The following RNF180 variants were observed in gnomAD, a reference collection of about 807,000 sequenced individuals.
RNF180 encodes the protein ring finger protein 180.
RNF180 carries 38 observed loss-of-function variants against 59.2 expected under a neutral mutation model. That is an observed-to-expected ratio of 0.64 (90% CI 0.50 to 0.84). RNF180 has a LOEUF of 0.84. Among genes scored for constraint, RNF180 ranks in the 40% least tolerant of loss-of-function variants. RNF180 has a pLI of 0.00. For missense variants in RNF180, 705 were observed against 700.9 expected (o/e 1.01, Z -0.07); for synonymous variants, 262 against 240.3 (o/e 1.09, Z -0.84).
intron 5 of RNF180, among the ~76,000 whole-genome samples, chr5:64,241,886 C>A (rs1317218193): frequency 6.6e-6 from 1 of 152,148 alleles, no homozygotes; most frequent in Non-Finnish European, 1.5e-5. Flanking sequence ...GCCATGGATG[C>A]TAACACCAGG....
chr5:64,227,586 C>T (rs1741846993), intron 5 of RNF180, among the ~76,000 whole-genome samples: 1 of 152,210 alleles, frequency 6.6e-6, no homozygotes, highest in South Asian at 2.1e-4. Flanking sequence ...ATCCTTGACA[C>T]AGTGCTAACA....
At chr5:64,293,846 A>G (rs1278295699) in intron 5 of RNF180, among the ~76,000 whole-genome samples, 1 of 152,102 alleles carries the variant, frequency 6.6e-6, no homozygotes, top group African/African-American at 2.4e-5. Flanking sequence ...TATATTCCGT[A>G]TTTTTTCTGA....
intron 5 of RNF180, among the ~76,000 whole-genome samples, chr5:64,285,974 A>T (rs775259712): frequency 2.0e-5 from 3 of 152,030 alleles, no homozygotes; most frequent in Non-Finnish European, 2.9e-5. Flanking sequence ...AGGAATCCAG[A>T]TGTGCATAGC....
At chr5:64,324,528 A>G (rs1408628169) in intron 5 of RNF180, among the ~76,000 whole-genome samples, 1 of 152,242 alleles carries the variant, frequency 6.6e-6, no homozygotes, top group Non-Finnish European at 1.5e-5. Context: ...GACAATGTTG[A>G]ATGAAATGAC....
intron 5 of RNF180, among the ~76,000 whole-genome samples, chr5:64,310,769 G>A (rs1248793108): frequency 3.3e-5 from 5 of 151,816 alleles, no homozygotes; most frequent in Non-Finnish European, 5.9e-5. Context: ...GCCTCAATCT[G>A]GAAGGGGAAA....
rs924957506 is a variant in RNF180 at position 64,305,116 on chromosome 5, G to A, written c.1228-20070G>A. 4.0e-5 allele frequency among the ~76,000 whole-genome samples: 6 copies of A among 151,758 alleles called. No individual in the cohort carries two copies. The East Asian group carries it at 1.2e-3, about 29-fold the overall frequency. On this transcript the variant is annotated intron_variant, in intron 5 of 7. Coordinates refer to ENST00000389100, the MANE Select transcript of RNF180 (RefSeq NM_001113561.2). ...CACACTTAATAGACTACATTATAGT[G>A]TAAACATAACTTTTGTATGCACTGG...
At chr5:64,367,519 T>C (rs1746497764) in intron 7 of RNF180, among the ~76,000 whole-genome samples, 1 of 151,724 alleles carries the variant, frequency 6.6e-6, no homozygotes. Context: ...ATATCACTTA[T>C]TTCATGTTTA....
intron 5 of RNF180, among the ~76,000 whole-genome samples, chr5:64,280,142 T>A (rs1470043593): frequency 6.6e-6 from 1 of 152,222 alleles, no homozygotes; most frequent in East Asian, 1.9e-4. Flanking sequence ...CAAGTGTCTG[T>A]TCATGTCCTT....
At chr5:64,364,882 G>T (rs1253112914) in intron 7 of RNF180, among the ~76,000 whole-genome samples, 1 of 151,416 alleles carries the variant, frequency 6.6e-6, no homozygotes, top group Non-Finnish European at 1.5e-5. Flanking sequence ...TTCTCTAATG[G>T]TTACTTGTAT....
intron 7 of RNF180, among the ~76,000 whole-genome samples, chr5:64,344,866 T>C (rs928396243): frequency 6.6e-6 from 1 of 151,910 alleles, no homozygotes; most frequent in African/African-American, 2.4e-5. Context: ...GGACTGAGAC[T>C]TCCAGTCTGT....
chr5:64,248,256 A>T (rs909222764), intron 5 of RNF180, among the ~76,000 whole-genome samples: 3 of 152,182 alleles, frequency 2.0e-5, no homozygotes, highest in Admixed American at 2.0e-4. Context: ...AAATAGACAA[A>T]TGGGCCTAAT....
chr5:64,291,114 T>A (rs1156486931), intron 5 of RNF180, among the ~76,000 whole-genome samples: 1 of 152,192 alleles, frequency 6.6e-6, no homozygotes, highest in African/African-American at 2.4e-5. Context: ...AGATATGGAA[T>A]TCTAGGTTGG....
At chr5:64,358,154 T>A (rs1377452105) in intron 7 of RNF180, among the ~76,000 whole-genome samples, 1 of 151,834 alleles carries the variant, frequency 6.6e-6, no homozygotes, top group Non-Finnish European at 1.5e-5. Context: ...CCACCCAACA[T>A]CATCCTAAAC....
intron 1 of RNF180, among the ~76,000 whole-genome samples, chr5:64,182,338 A>G (rs1038309571): frequency 3.3e-5 from 5 of 152,146 alleles, no homozygotes; most frequent in East Asian, 1.9e-4. Flanking sequence ...AATCAATCCA[A>G]TTGCTTTAGA....
At chr5:64,210,233 G>A (rs1375710024) in intron 2 of RNF180, among the ~76,000 whole-genome samples, 1 of 152,104 alleles carries the variant, frequency 6.6e-6, no homozygotes, top group African/African-American at 2.4e-5. Context: ...TAATGCTAGT[G>A]ATCTAGGGAC....
intron 5 of RNF180, among the ~76,000 whole-genome samples, chr5:64,234,845 C>T (rs924718663): frequency 6.6e-6 from 1 of 151,872 alleles, no homozygotes; most frequent in African/African-American, 2.4e-5. Context: ...ATGATCCACC[C>T]TCCTTGGCCT....
intron 1 of RNF180, among the ~76,000 whole-genome samples, chr5:64,192,810 A>G (rs1365736181): frequency 6.6e-6 from 1 of 150,694 alleles, no homozygotes; most frequent in Non-Finnish European, 1.5e-5. Flanking sequence ...TTGCATCCTC[A>G]TGTTCATTTC....
At chr5:64,249,012 C>A (rs1322734825) in intron 5 of RNF180, among the ~76,000 whole-genome samples, 1 of 152,098 alleles carries the variant, frequency 6.6e-6, no homozygotes. Flanking sequence ...GAATAGAAAA[C>A]CAAACACTGC....
At chr5:64,290,361 G>A (rs1742512510) in intron 5 of RNF180, among the ~76,000 whole-genome samples, 1 of 152,182 alleles carries the variant, frequency 6.6e-6, no homozygotes, top group Non-Finnish European at 1.5e-5. Flanking sequence ...TGTTGGTTTG[G>A]GGTGGAGAGT....
Sources: gnomAD v4.1 joint callset for allele counts (sites outside exome capture counted in the v4.1 genomes callset) on GRCh38, gnomAD v4.1.1 for gene constraint, MANE v1.5 for transcripts, NCBI Gene and HGNC (gene_info 2026-07-23, HGNC 2026-07-21) for gene names.